The following MAGI2 variants were observed in gnomAD, a reference collection of about 807,000 sequenced individuals.
MAGI2 encodes the protein membrane associated guanylate kinase, WW and PDZ domain containing 2.
MAGI2 carries 35 observed loss-of-function variants against 133.3 expected under a neutral mutation model. The observed-to-expected ratio is 0.26, with a 90% CI of 0.20 to 0.35. The LOEUF is 0.35. Among genes scored for constraint, MAGI2 ranks in the 10% least tolerant of loss-of-function variants. The probability of loss-of-function intolerance (pLI) is 1.00; values close to 1 mark genes in which losing one functional copy is unlikely to be tolerated. For synonymous variants in MAGI2, 729 were observed against 710.6 expected, an observed-to-expected ratio of 1.03 and a Z score of -0.41; for missense variants, 1,636 against 1,863.4, an observed-to-expected ratio of 0.88 and a Z score of 2.25.
At chr7:78,496,820 A>G (rs939709706) in intron 5 of MAGI2, among the ~76,000 whole-genome samples, 1 of 152,170 alleles carries the variant, frequency 6.6e-6, no homozygotes, top group Non-Finnish European at 1.5e-5. Context: ...ACATCGCGTG[A>G]AAGTCTGAAT....
chr7:78,766,733 G>C (rs1019429411), intron 2 of MAGI2, among the ~76,000 whole-genome samples: 1 of 152,166 alleles, frequency 6.6e-6, no homozygotes, highest in African/African-American at 2.4e-5. Context: ...TATTGAATTT[G>C]ATGTATTCTT....
At chr7:78,685,955 C>G (rs1585082010) in intron 2 of MAGI2, among the ~76,000 whole-genome samples, 1 of 119,026 alleles carries the variant, frequency 8.4e-6, no homozygotes, top group Non-Finnish European at 1.7e-5. Context: ...CTCTTACTTT[C>G]TTTTTCTTTT....
intron 2 of MAGI2, among the ~76,000 whole-genome samples, chr7:78,965,543 A>G (rs1017973883): frequency 6.6e-6 from 1 of 152,008 alleles, no homozygotes; most frequent in Admixed American, 6.6e-5. Context: ...TCGTTAGCCT[A>G]GAGATTTTTT....
chr7:78,818,563 G>T (rs932159998), intron 2 of MAGI2, among the ~76,000 whole-genome samples: 1 of 151,860 alleles, frequency 6.6e-6, no homozygotes. Context: ...CAACCTTAAT[G>T]CTATTTTCCT....
chr7:79,145,230 T>C (rs938563239), intron 1 of MAGI2, among the ~76,000 whole-genome samples: 1 of 152,224 alleles, frequency 6.6e-6, no homozygotes, highest in Non-Finnish European at 1.5e-5. Context: ...GTTAGAAATA[T>C]ACATTTAAAA....
At chr7:79,055,835 C>T (rs1813100901) in intron 1 of MAGI2, among the ~76,000 whole-genome samples, 1 of 152,120 alleles carries the variant, frequency 6.6e-6, no homozygotes, top group Non-Finnish European at 1.5e-5. Flanking sequence ...CCTTGTTTAT[C>T]TCTGCACACA....
At chr7:79,418,215 A>C (rs1846680180) in intron 1 of MAGI2, among the ~76,000 whole-genome samples, 4 of 152,122 alleles carry the variant, frequency 2.6e-5, no homozygotes, top group Admixed American at 2.6e-4. Flanking sequence ...AAGTTTGTAA[A>C]GCCTTAGCAA....
At chr7:78,349,107 C>T (rs1791222464) in intron 7 of MAGI2, among the ~76,000 whole-genome samples, 1 of 152,136 alleles carries the variant, frequency 6.6e-6, no homozygotes, top group Non-Finnish European at 1.5e-5. Context: ...ACAGGCTATA[C>T]TAACTTTATT....
chr7:78,293,147 A>T (rs1431323559), intron 9 of MAGI2, among the ~76,000 whole-genome samples: 3 of 152,242 alleles, frequency 2.0e-5, no homozygotes, highest in African/African-American at 7.2e-5. Context: ...GTGAACAGGC[A>T]ACCTACAGAA....
chr7:78,593,851 C>A (rs1056896364), intron 3 of MAGI2, among the ~76,000 whole-genome samples: 3 of 152,098 alleles, frequency 2.0e-5, no homozygotes, highest in Non-Finnish European at 4.4e-5. Flanking sequence ...GGTACGGGAA[C>A]TTTTGTTCTT....
intron 2 of MAGI2, among the ~76,000 whole-genome samples, chr7:78,877,731 T>C (rs1795539940): frequency 6.6e-6 from 1 of 152,128 alleles, no homozygotes; most frequent in South Asian, 2.1e-4. Flanking sequence ...AATTAGATCT[T>C]TCCCACAAAC....
intron 17 of MAGI2, 27 bp downstream of exon 17, chr7:78,134,994 C>G (rs1176795627): frequency 6.2e-7 from 1 of 1,606,638 alleles, no homozygotes; most frequent in South Asian, 1.1e-5. Context: ...TTGGCCGCCT[C>G]TCTGCAAGGC....
intron 9 of MAGI2, among the ~76,000 whole-genome samples, chr7:78,271,071 T>A (rs1794522667): frequency 6.6e-6 from 1 of 152,198 alleles, no homozygotes; most frequent in African/African-American, 2.4e-5. Context: ...GCTTACAGTT[T>A]TTTCCTATAT....
chr7:78,934,702 C>A (rs1584438170), intron 2 of MAGI2, among the ~76,000 whole-genome samples: 1 of 152,006 alleles, frequency 6.6e-6, no homozygotes. Context: ...TGAGTCCTTT[C>A]CCCAAGATAT....
chr7:78,187,122 A>G (rs1214554432), intron 12 of MAGI2, among the ~76,000 whole-genome samples: 2 of 152,180 alleles, frequency 1.3e-5, no homozygotes. Flanking sequence ...CATGTAAGGA[A>G]TTACAGATAA....
chr7:78,080,020 G>A (rs1324169600), intron 20 of MAGI2, among the ~76,000 whole-genome samples: 7 of 152,176 alleles, frequency 4.6e-5, no homozygotes, highest in Admixed American at 2.6e-4. Flanking sequence ...GTCCCTTAAA[G>A]CAGATCTCAG....
In MAGI2 at chr7:78,356,993, C is replaced by T. The variant is rs188146670; in HGVS notation, c.1104-10950G>A. Among the ~76,000 whole-genome samples the T allele has an allele frequency of 2.1e-4, 32 of 152,282 alleles. No individual in the cohort carries two copies. In the East Asian group the frequency reaches 6.2e-3, roughly 29 times the overall value. On this transcript the variant is annotated intron_variant, in intron 7 of 21. Coordinates refer to ENST00000354212, the MANE Select transcript of MAGI2 (RefSeq NM_012301.4). ...CCTAATGTTTCTGAACTGCAACTGC[C>T]TCATCTGTAAATATTCTACTCATTT...
chr7:78,921,631 G>T (rs2151635132), intron 2 of MAGI2, among the ~76,000 whole-genome samples: 1 of 145,840 alleles, frequency 6.9e-6, no homozygotes, highest in African/African-American at 2.5e-5. Context: ...CTTTTCAACA[G>T]TTTTTTTTTT....
At chr7:79,169,075 C>T (rs79753611) in intron 1 of MAGI2, among the ~76,000 whole-genome samples, 8,519 of 151,804 alleles carry the variant, frequency 0.056, 488 homozygotes, top group East Asian at 0.15. Context: ...CCTTCCTTCT[C>T]GAAAAGCTTT....
Sources: allele counts gnomAD v4.1 joint callset (sites outside exome capture counted in the v4.1 genomes callset), GRCh38; gene constraint gnomAD v4.1.1; transcripts MANE v1.5; gene names NCBI Gene and HGNC (gene_info 2026-07-23, HGNC 2026-07-21).